Variants in CNTLN observed in about 807,000 individuals in gnomAD.
CNTLN encodes centlein, centrosomal protein.
Under a neutral mutation model 180.0 loss-of-function variants are expected in CNTLN, and 212 were observed. The ratio of observed to expected loss-of-function variants is 1.18; its 90% CI spans 1.05 to 1.32. The LOEUF (loss-of-function observed/expected upper bound fraction) is 1.32, where lower values mean the gene tolerates loss of function less well. Among genes scored for constraint, CNTLN ranks in the 40% most tolerant of loss-of-function variants. The pLI is 0.00. For synonymous variants in CNTLN, 722 were observed against 563.1 expected, an observed-to-expected ratio of 1.28 and a Z score of -3.99; for missense variants, 2,095 against 1,610.9, an observed-to-expected ratio of 1.30 and a Z score of -5.14.
chr9:17,165,528 G>C (rs1305942385), intron 2 of CNTLN, among the ~76,000 whole-genome samples: 1 of 152,294 alleles, frequency 6.6e-6, no homozygotes, highest in Middle Eastern at 3.4e-3. Context: ...ATCTGTGATG[G>C]TTGGAGTGAA....
chr9:17,277,549 G>A (rs200059389), intron 6 of CNTLN, among the ~76,000 whole-genome samples: 1 of 141,354 alleles, frequency 7.1e-6, no homozygotes, highest in Non-Finnish European at 1.5e-5. Context: ...ATGTAGTAAG[G>A]AAAGAAGAAT....
chr9:17,483,260 A>G (rs1832736459), intron 23 of CNTLN, among the ~76,000 whole-genome samples: 1 of 152,184 alleles, frequency 6.6e-6, no homozygotes, highest in African/African-American at 2.4e-5. Flanking sequence ...ATGAAACTTT[A>G]AAATACAGCA....
At chr9:17,206,174 C>T (rs894998243) in intron 2 of CNTLN, among the ~76,000 whole-genome samples, 4 of 152,058 alleles carry the variant, frequency 2.6e-5, no homozygotes, top group African/African-American at 7.2e-5. Context: ...ATGGATATGC[C>T]GATACCAATG....
In CNTLN at chr9:17,400,959, A is replaced by T. The variant is rs140675412; in HGVS notation, c.2615+5890A>T. Among the ~76,000 whole-genome samples, 10 of 152,338 alleles carry T rather than the reference A, an allele frequency of 6.6e-5. 1 individual carries two copies. In the East Asian group the frequency reaches 1.9e-3, roughly 29 times the overall value. ...ACACATAAAAATCTTTATGATTGCA[A>T]AGATTTTTAATCTTGGAAATTTTTA... On this transcript the variant is annotated intron_variant, in intron 15 of 25. Coordinates refer to ENST00000380647, the MANE Select transcript of CNTLN (RefSeq NM_017738.4).
intron 2 of CNTLN, among the ~76,000 whole-genome samples, chr9:17,202,878 A>G (rs1822648050): frequency 6.6e-6 from 1 of 151,992 alleles, no homozygotes; most frequent in Non-Finnish European, 1.5e-5. Context: ...TCCTGTCATC[A>G]TGATGCTAGC....
intron 2 of CNTLN, among the ~76,000 whole-genome samples, chr9:17,194,074 C>T (rs1821964663): frequency 6.6e-6 from 1 of 152,206 alleles, no homozygotes. Context: ...CTAGGCTGCA[C>T]ACAGTACAGG....
chr9:17,155,898 C>T (rs191266394), intron 2 of CNTLN, among the ~76,000 whole-genome samples: 334 of 152,228 alleles, frequency 2.2e-3, no homozygotes, highest in African/African-American at 7.1e-3. Flanking sequence ...TCCTGGTTTG[C>T]GGGATGTAAA....
intron 18 of CNTLN, among the ~76,000 whole-genome samples, chr9:17,451,645 G>A (rs1377751893): frequency 6.6e-6 from 1 of 152,136 alleles, no homozygotes; most frequent in Non-Finnish European, 1.5e-5. Context: ...TCTCACCGTT[G>A]CTCCAGCATG....
intron 7 of CNTLN, chr9:17,299,874 T>A (rs62558354): frequency 0.25 from 212,781 of 836,152 alleles, 27,413 homozygotes; most frequent in South Asian, 0.36. Flanking sequence ...GCTTCCATTG[T>A]ACTATAATTG....
At chr9:17,499,782 A>G (rs1047276199) in intron 25 of CNTLN, among the ~76,000 whole-genome samples, 1 of 152,134 alleles carries the variant, frequency 6.6e-6, no homozygotes, top group South Asian at 2.1e-4. Flanking sequence ...TACCTTAATT[A>G]TGACTGAGCC....
chr9:17,270,361 T>A (rs1240170117), intron 5 of CNTLN, among the ~76,000 whole-genome samples: 1 of 152,180 alleles, frequency 6.6e-6, no homozygotes, highest in African/African-American at 2.4e-5. Context: ...TTTCTGACTC[T>A]ATTGGCATCT....
chr9:17,454,599 C>T (rs1042374059), intron 18 of CNTLN, among the ~76,000 whole-genome samples: 10 of 152,202 alleles, frequency 6.6e-5, no homozygotes, highest in Non-Finnish European at 1.3e-4. Flanking sequence ...TAACACGCTT[C>T]TCAGACACTA....
intron 13 of CNTLN, among the ~76,000 whole-genome samples, chr9:17,382,498 A>C (rs938125892): frequency 3.3e-5 from 5 of 152,358 alleles, no homozygotes; most frequent in East Asian, 1.9e-4. Context: ...AAAACTTTTC[A>C]ACATCAATAA....
chr9:17,400,820 T>C (rs1037727115), intron 15 of CNTLN, among the ~76,000 whole-genome samples: 8 of 152,204 alleles, frequency 5.3e-5, no homozygotes, highest in Non-Finnish European at 1.0e-4. Context: ...GTCAAGAATA[T>C]GAAAAATTCT....
chr9:17,323,575 C>A (rs916910435), intron 8 of CNTLN, among the ~76,000 whole-genome samples: 12 of 152,196 alleles, frequency 7.9e-5, no homozygotes, highest in African/African-American at 2.9e-4. Flanking sequence ...CGGCTTTCTG[C>A]TGGCTAGAAA....
intron 19 of CNTLN, among the ~76,000 whole-genome samples, chr9:17,461,267 A>G (rs1831431198): frequency 6.6e-6 from 1 of 151,650 alleles, no homozygotes; most frequent in African/African-American, 2.4e-5. Flanking sequence ...ATCATCAGAG[A>G]AAGAATTGAA....
chr9:17,363,457 GCTCCTTTTTAA>G (rs938307024), intron 12 of CNTLN, among the ~76,000 whole-genome samples: 10 of 151,062 alleles, frequency 6.6e-5, no homozygotes, highest in Non-Finnish European at 1.3e-4. Context: ...TTTGACTTAT[GCTCCTTTTTAA>G]AAATGACTTT....
intron 15 of CNTLN, among the ~76,000 whole-genome samples, chr9:17,396,984 G>C (rs766792270): frequency 6.6e-6 from 1 of 152,048 alleles, no homozygotes; most frequent in Non-Finnish European, 1.5e-5. Context: ...CCCACTAAGC[G>C]TTATCTTTAT....
intron 18 of CNTLN, among the ~76,000 whole-genome samples, chr9:17,428,818 T>C (rs1829244448): frequency 6.6e-6 from 1 of 152,060 alleles, no homozygotes; most frequent in Admixed American, 6.6e-5. Flanking sequence ...TACACAATTA[T>C]AGGAAGGAAA....
Sources: gnomAD v4.1 joint callset for allele counts (sites outside exome capture counted in the v4.1 genomes callset) on GRCh38, gnomAD v4.1.1 for gene constraint, MANE v1.5 for transcripts, NCBI Gene and HGNC (gene_info 2026-07-23, HGNC 2026-07-21) for gene names.